BTAF1: variants seen among roughly 807,000 people sequenced by gnomAD.
BTAF1 encodes B-TFIID TATA-box binding protein associated factor 1.
Under a neutral mutation model 227.1 loss-of-function variants are expected in BTAF1, and 38 were observed. That is an observed-to-expected ratio of 0.17 (90% confidence interval 0.13 to 0.22). The LOEUF is 0.22. Ranked by LOEUF, BTAF1 falls within the 10% of genes least tolerant of loss-of-function variation. The probability of loss-of-function intolerance (pLI) is 1.00; values close to 1 mark genes in which losing one functional copy is unlikely to be tolerated. For missense variants in BTAF1, 1,598 were observed against 2,204.0 expected (o/e 0.73, Z 5.51); for synonymous variants, 742 against 751.9 (o/e 0.99, Z 0.21).
rs1851864521 is a variant in BTAF1, at chr10:92,031,043, A to G, written c.*2110A>G. 1.3e-5 allele frequency among the ~76,000 whole-genome samples: 2 copies of G among 152,212 alleles called. No homozygotes were observed. The highest frequency in any genetic ancestry group is 4.8e-5 in the African/African-American group (2 of 41,456). ...GTTTTTTCAATGTATGGGTGTGGGA[A>G]GTCAAACAAGCATGATAGAATGTTA... On this transcript the variant is annotated 3_prime_UTR_variant, in exon 38 of 38. Transcript: ENST00000265990.
intron 4 of BTAF1, among the ~76,000 whole-genome samples, chr10:91,943,539 T>C (rs1845157568): frequency 6.6e-6 from 1 of 152,214 alleles, no homozygotes; most frequent in Non-Finnish European, 1.5e-5. Flanking sequence ...ATTTAGAGGC[T>C]TATTAATATA....
At chr10:92,015,956 G>A (rs1446766515) in intron 32 of BTAF1, among the ~76,000 whole-genome samples, 1 of 151,904 alleles carries the variant, frequency 6.6e-6, no homozygotes, top group Non-Finnish European at 1.5e-5. Context: ...CTTCATTTAA[G>A]GAAGATTTTT....
At chr10:91,958,964 A>T in intron 8 of BTAF1, 101 bp from the exon 9 acceptor site, 2 of 1,019,626 alleles carry the variant, frequency 2.0e-6, no homozygotes, top group Non-Finnish European at 2.9e-6. Flanking sequence ...AGTTTATTCT[A>T]ATTTCTTAAA....
At chr10:92,028,672 G>A (rs1851689561) in intron 37 of BTAF1, 118 bp from the exon 38 acceptor site, 1 of 983,570 alleles carries the variant, frequency 1.0e-6, no homozygotes, top group Admixed American at 3.4e-5. Flanking sequence ...CCCATCACTT[G>A]AAGTACTCAA....
At chr10:92,009,934 T>C (rs1850182724) in intron 28 of BTAF1, among the ~76,000 whole-genome samples, 1 of 152,210 alleles carries the variant, frequency 6.6e-6, no homozygotes, top group South Asian at 2.1e-4. Flanking sequence ...GTCCATAGAT[T>C]TGCTGTACTC....
chr10:91,988,954 T>G (rs1431264711), intron 19 of BTAF1, among the ~76,000 whole-genome samples, 200 bp from the exon 20 acceptor site: 1 of 152,202 alleles, frequency 6.6e-6, no homozygotes, highest in Non-Finnish European at 1.5e-5. Context: ...AAGAATATAA[T>G]GCTAATGTTA....
At chr10:91,983,537 T>A (rs1848203367) in intron 18 of BTAF1, among the ~76,000 whole-genome samples, 2 of 152,228 alleles carry the variant, frequency 1.3e-5, no homozygotes, top group South Asian at 4.1e-4. Flanking sequence ...GTTGGTGTGC[T>A]GGAGAGGCAG....
intron 2 of BTAF1, among the ~76,000 whole-genome samples, chr10:91,939,314 T>C (rs1047304237): frequency 1.3e-5 from 2 of 152,252 alleles, no homozygotes; most frequent in African/African-American, 4.8e-5. Flanking sequence ...CATACTAAAC[T>C]TGAGATTTTA....
rs542897498 is a variant in BTAF1, at chr10:92,013,594, T to C, written c.4312-73T>C. The C allele has an allele frequency of 2.0e-5, 32 of 1,569,070 alleles. No homozygotes were observed. The South Asian group carries it at 3.6e-4, about 18-fold the overall frequency. ...ATCTATATGATTATAATAATGGGCT[T>C]TCATTAATGTTACTTTTTTAGTTGT... On this transcript the variant is annotated intron_variant, in intron 30 of 37. Transcript: ENST00000265990.
At chr10:91,980,430 T>C (rs1174662458) in intron 14 of BTAF1, 24 bp from the exon 15 acceptor site, 1 of 1,520,634 alleles carries the variant, frequency 6.6e-7, no homozygotes, top group East Asian at 2.3e-5. Flanking sequence ...ATGCTACAGC[T>C]TTTAATTCTG....
chr10:91,970,325 C>T (rs1432684236), intron 14 of BTAF1, among the ~76,000 whole-genome samples: 1 of 152,028 alleles, frequency 6.6e-6, no homozygotes, highest in Non-Finnish European at 1.5e-5. Flanking sequence ...AAAAGAAATC[C>T]TGTGTATTAG....
chr10:91,985,641 A>G (rs907090785), intron 19 of BTAF1, among the ~76,000 whole-genome samples: 2 of 152,076 alleles, frequency 1.3e-5, no homozygotes, highest in African/African-American at 4.8e-5. Context: ...CATCATCAAT[A>G]TTTGATGTGG....
chr10:92,003,176 G>A (rs991525512), intron 25 of BTAF1, among the ~76,000 whole-genome samples: 9 of 149,584 alleles, frequency 6.0e-5, no homozygotes, highest in Admixed American at 6.7e-5. Context: ...AAAAAGTTAC[G>A]GCGTCCAACA....
chr10:92,001,480 A>G (rs192210512), intron 25 of BTAF1, among the ~76,000 whole-genome samples: 5 of 152,308 alleles, frequency 3.3e-5, no homozygotes, highest in Admixed American at 2.6e-4. Flanking sequence ...ACCTTCTACC[A>G]TACTGAGCAT....
intron 14 of BTAF1, among the ~76,000 whole-genome samples, 179 bp downstream of exon 14, chr10:91,966,936 G>A (rs926526088): frequency 1.1e-4 from 17 of 152,166 alleles, no homozygotes; most frequent in African/African-American, 4.1e-4. Flanking sequence ...TTAATATTTT[G>A]TTCTAGATTG....
At chr10:91,961,078 C>A (rs548815747) in intron 11 of BTAF1, among the ~76,000 whole-genome samples, 22 of 152,218 alleles carry the variant, frequency 1.4e-4, no homozygotes, top group African/African-American at 5.3e-4. Flanking sequence ...GCTTCTCCAC[C>A]ATAGATCTAG....
In BTAF1 at chr10:91,989,578, A is replaced by G; in HGVS notation, c.2852A>G (p.Lys951Arg). 1.3e-6 allele frequency: 2 copies of G among 1,593,708 alleles called. No individual in the cohort carries two copies. Among genetic ancestry groups the G allele is most frequent in the Non-Finnish European group, 8.5e-7 (1 of 1,173,332 alleles). ...ACACAAAGTGGCCAGGAAAATTCTA[A>G]AGGTATATACCTAAACTTTTATTTG... is the stretch of plus-strand genomic sequence containing the variant. ...VPTQSGQENS[K>R]GSTSEKDGMH... is the part of the protein sequence containing the mutation. Residue 951 changes from lysine (K) to arginine (R), a missense_variant and splice_region_variant, in exon 20 of 38, where the codon AAA becomes AGA. Around this residue, in one of 10 missense-constraint regions of BTAF1, gnomAD observed 425 missense variants for 491.2 expected, o/e 0.87. Transcript: ENST00000265990.
chr10:92,015,173 C>T lies in BTAF1; in HGVS notation c.4584+1144C>T, dbSNP rs190452875. Among the ~76,000 whole-genome samples the T allele has an allele frequency of 5.3e-5, 8 of 152,202 alleles. 1 individual carries two copies. The South Asian group carries it at 1.0e-3, about 20-fold the overall frequency. On this transcript the variant is annotated intron_variant, in intron 32 of 37. Coordinates refer to ENST00000265990, the MANE Select transcript of BTAF1 (RefSeq NM_003972.3). ...ACAGTTCTGATTTTGTACATAAAGA[C>T]CATTATTAAAGGAATTTATTGTGAG... is the stretch of plus-strand genomic sequence containing the variant.
At chr10:92,025,764 T>C (rs2036120273) in intron 35 of BTAF1, among the ~76,000 whole-genome samples, 1 of 145,626 alleles carries the variant, frequency 6.9e-6, no homozygotes, top group Admixed American at 7.0e-5. Context: ...AGAGATTGGA[T>C]TGGGCCACTG....
Sources: allele counts gnomAD v4.1 joint callset (sites outside exome capture counted in the v4.1 genomes callset), GRCh38; gene constraint gnomAD v4.1.1; regional missense constraint gnomAD v4.1.1; transcripts MANE v1.5; gene names NCBI Gene and HGNC (gene_info 2026-07-23, HGNC 2026-07-21).